The following CPPED1 variants were observed in gnomAD, a reference collection of about 807,000 sequenced individuals.
CPPED1 encodes the protein calcineurin like phosphoesterase domain containing 1.
In CPPED1, 28 loss-of-function variants were observed where a neutral mutation model predicts 28.0. That is an observed-to-expected ratio of 1.00 (90% CI 0.74 to 1.37). The LOEUF (loss-of-function observed/expected upper bound fraction) is 1.37, where lower values mean the gene tolerates loss of function less well. CPPED1 is among the 40% of genes most tolerant of loss of function. The probability of loss-of-function intolerance (pLI) is 0.00; values close to 1 mark genes in which losing one functional copy is unlikely to be tolerated. For synonymous variants in CPPED1, 198 were observed against 180.2 expected, an observed-to-expected ratio of 1.10 and a Z score of -0.79; for missense variants, 504 against 416.5, an observed-to-expected ratio of 1.21 and a Z score of -1.83.
chr16:12,789,150 T>C (rs756774578), intron 1 of CPPED1, among the ~76,000 whole-genome samples: 1 of 152,222 alleles, frequency 6.6e-6, no homozygotes, highest in African/African-American at 2.4e-5. Context: ...AAATGAAGCA[T>C]GCTAGTGACT....
chr16:12,755,016 T>C (rs1184608055), intron 2 of CPPED1, among the ~76,000 whole-genome samples: 2 of 151,922 alleles, frequency 1.3e-5, no homozygotes, highest in Non-Finnish European at 2.9e-5. Flanking sequence ...GTACAAAAAA[T>C]GTGTAGCTAG....
intron 3 of CPPED1, among the ~76,000 whole-genome samples, chr16:12,691,187 T>C (rs1276102417): frequency 2.0e-5 from 3 of 152,376 alleles, no homozygotes; most frequent in South Asian, 2.1e-4. Context: ...CGCTGCAGTT[T>C]CCTTGTCTAC....
At chr16:12,666,562 C>G (rs933555432) in intron 3 of CPPED1, among the ~76,000 whole-genome samples, 1 of 152,086 alleles carries the variant, frequency 6.6e-6, no homozygotes, top group Admixed American at 6.5e-5. Context: ...TTGTCAATTT[C>G]CATGGTGTAA....
At chr16:12,767,817 T>G (rs953909586) in intron 2 of CPPED1, among the ~76,000 whole-genome samples, 2 of 151,792 alleles carry the variant, frequency 1.3e-5, no homozygotes, top group African/African-American at 4.8e-5. Flanking sequence ...ATTAGCTGGG[T>G]GTGGGGGTGG....
At chr16:12,706,013 AT>A (rs1462398553) in intron 2 of CPPED1, among the ~76,000 whole-genome samples, 1 of 152,126 alleles carries the variant, frequency 6.6e-6, no homozygotes, top group African/African-American at 2.4e-5. Context: ...GGTTCACGTC[AT>A]TTACTTTTAG....
At chr16:12,678,015 T>C (rs978269346) in intron 3 of CPPED1, among the ~76,000 whole-genome samples, 1 of 152,130 alleles carries the variant, frequency 6.6e-6, no homozygotes, top group Non-Finnish European at 1.5e-5. Flanking sequence ...TTTACAAAAA[T>C]AGGAGGAAGG....
intron 2 of CPPED1, among the ~76,000 whole-genome samples, chr16:12,707,939 G>C (rs140454039): frequency 5.9e-5 from 9 of 152,294 alleles, no homozygotes; most frequent in African/African-American, 2.2e-4. Flanking sequence ...TTGAGGTCAA[G>C]AGTTCAACAC....
rs183649880 is a variant in CPPED1 at position 12,718,889 on chromosome 16, G to A, written c.290-13840C>T. On this transcript the variant is annotated intron_variant, in intron 2 of 3. Transcript: ENST00000381774. ...GAGGCAGGAGAATCATTTGAACCCAGGAGGGGTAGGTTGCAGTGAGCTGAG... is the reference window on the plus strand; with the variant it reads ...GAGGCAGGAGAATCATTTGAACCCAAGAGGGGTAGGTTGCAGTGAGCTGAG... Among the ~76,000 whole-genome samples the A allele has an allele frequency of 6.1e-4, 93 of 152,288 alleles. 2 individuals carry two copies. The highest frequency in any genetic ancestry group is 5.4e-3 in the Admixed American group (82 of 15,298).
chr16:12,763,634 G>A (rs1221379748), intron 2 of CPPED1, among the ~76,000 whole-genome samples: 1 of 152,142 alleles, frequency 6.6e-6, no homozygotes, highest in African/African-American at 2.4e-5. Context: ...TTACAGATAA[G>A]GAAATTCAGC....
intron 2 of CPPED1, among the ~76,000 whole-genome samples, chr16:12,768,867 C>CTTTTTTTTT (rs35322378): frequency 1.4e-5 from 2 of 138,042 alleles, no homozygotes; most frequent in Non-Finnish European, 3.1e-5. Context: ...TTTTCTTTTT[C>CTTTTTTTTT]TTTTTTTTTT....
chr16:12,746,431 G>C (rs996465128), intron 2 of CPPED1, among the ~76,000 whole-genome samples: 5 of 146,938 alleles, frequency 3.4e-5, no homozygotes, highest in African/African-American at 1.3e-4. Context: ...CCAAAACAAA[G>C]GTAACATAAA....
intron 2 of CPPED1, among the ~76,000 whole-genome samples, chr16:12,779,375 C>T (rs751361198): frequency 1.1e-4 from 17 of 148,442 alleles, no homozygotes; most frequent in African/African-American, 2.9e-4. Flanking sequence ...TGCACCACCA[C>T]GCCTGGCTAA....
intron 3 of CPPED1, among the ~76,000 whole-genome samples, chr16:12,681,106 G>C (rs2079902491): frequency 6.6e-6 from 1 of 151,938 alleles, no homozygotes; most frequent in African/African-American, 2.4e-5. Context: ...TTTGCTTTAA[G>C]GATTCCTCCC....
At chr16:12,741,165 T>G (rs1033379069) in intron 2 of CPPED1, among the ~76,000 whole-genome samples, 2 of 152,102 alleles carry the variant, frequency 1.3e-5, no homozygotes, top group Admixed American at 1.3e-4. Context: ...TAAAATATAG[T>G]GGGCAGGACG....
At chr16:12,702,299 G>A (rs1399184310) in intron 3 of CPPED1, among the ~76,000 whole-genome samples, 1 of 151,870 alleles carries the variant, frequency 6.6e-6, no homozygotes, top group East Asian at 1.9e-4. Context: ...TCTTCGGGGG[G>A]CCAAGGCAGG....
Position 12,670,703 on chromosome 16 carries a change from T to C in CPPED1, c.716-5588A>G, listed in dbSNP as rs1285551884. Among the ~76,000 whole-genome samples the C allele has an allele frequency of 2.0e-5, 3 of 152,168 alleles. No individual in the cohort carries two copies. The highest frequency in any genetic ancestry group is 4.4e-5 in the Non-Finnish European group (3 of 68,040). On this transcript the variant is annotated intron_variant, in intron 3 of 3. Transcript: ENST00000381774. The surrounding 1 kb of genome is among the most constrained non-coding windows in gnomAD (Gnocchi z 4.2). ...CAGACACATTCCCAAGAGAGACACATTGTATCAAATACCTGACCAGCACTC... is the reference window on the plus strand; with the variant it reads ...CAGACACATTCCCAAGAGAGACACACTGTATCAAATACCTGACCAGCACTC...
intron 2 of CPPED1, among the ~76,000 whole-genome samples, chr16:12,731,001 T>C (rs2080194222): frequency 6.6e-6 from 1 of 152,096 alleles, no homozygotes. Flanking sequence ...CCACTGTCCT[T>C]CTCACCCTGG....
chr16:12,699,627 G>T (rs940821667), intron 3 of CPPED1, among the ~76,000 whole-genome samples: 5 of 152,116 alleles, frequency 3.3e-5, no homozygotes, highest in Admixed American at 1.3e-4. Flanking sequence ...CCTCCACGGT[G>T]GTTTGGGGAG....
intron 2 of CPPED1, among the ~76,000 whole-genome samples, chr16:12,770,510 G>A (rs1050649125): frequency 2.6e-5 from 4 of 152,134 alleles, no homozygotes; most frequent in African/African-American, 4.8e-5. Context: ...TGCACAGTAT[G>A]ATCACGTTTG....
Sources: gnomAD v4.1 joint callset for allele counts (sites outside exome capture counted in the v4.1 genomes callset) on GRCh38, gnomAD v4.1.1 for gene constraint, Gnocchi (gnomAD v3.1) non-coding constraint, MANE v1.5 for transcripts, NCBI Gene and HGNC (gene_info 2026-07-23, HGNC 2026-07-21) for gene names.